The following PYHIN1 variants were observed in gnomAD, a reference collection of about 807,000 sequenced individuals.
The protein encoded by PYHIN1 is pyrin and HIN domain-containing protein 1.
In PYHIN1, 32 loss-of-function variants were observed where a neutral mutation model predicts 43.7. The observed-to-expected ratio is 0.73, with a 90% CI of 0.55 to 0.98. The LOEUF (loss-of-function observed/expected upper bound fraction) is 0.98. Ranked by LOEUF, PYHIN1 falls within the 50% of genes least tolerant of loss-of-function variation. The pLI, the probability that PYHIN1 is intolerant of heterozygous loss-of-function variation, is 0.00. For missense variants in PYHIN1, 588 were observed against 589.5 expected, an observed-to-expected ratio of 1.00 and a Z score of 0.03; for synonymous variants, 205 against 203.1, an observed-to-expected ratio of 1.01 and a Z score of -0.08.
intron 8 of PYHIN1, among the ~76,000 whole-genome samples, chr1:158,975,121 G>C (rs1018411002): frequency 6.6e-6 from 1 of 151,900 alleles, no homozygotes; most frequent in African/African-American, 2.4e-5. Context: ...TTTCTTCTTT[G>C]ATATCTAGCA....
chr1:158,942,884 G>T (rs1649000912), intron 5 of PYHIN1, among the ~76,000 whole-genome samples: 1 of 152,152 alleles, frequency 6.6e-6, no homozygotes, highest in Non-Finnish European at 1.5e-5. Context: ...CAGTAAACAG[G>T]TAGGACAATG....
downstream of PYHIN1, among the ~76,000 whole-genome samples, chr1:158,978,797 A>G (rs571624099): frequency 6.6e-6 from 1 of 152,314 alleles, no homozygotes; most frequent in African/African-American, 2.4e-5. Context: ...GTTTTAATTT[A>G]AACAGCGTCA....
Position 158,950,769 on chromosome 1 carries a change from C to T in PYHIN1, c.1359+5727C>T, listed in dbSNP as rs150446228. Among the ~76,000 whole-genome samples, 890 of 152,176 alleles carry T rather than the reference C, an allele frequency of 5.8e-3. 2 individuals carry two copies. The highest frequency in any genetic ancestry group is 9.0e-3 in the Non-Finnish European group (610 of 68,014). ...TTGAGCATATTTTTAAGGGTGGAGTCGGCACGTTCTACCATGGCTTGTCTT... is the reference window on the plus strand; with the variant it reads ...TTGAGCATATTTTTAAGGGTGGAGTTGGCACGTTCTACCATGGCTTGTCTT... On this transcript the variant is annotated intron_variant, in intron 7 of 8. Transcript: ENST00000368140.
chr1:158,987,780 C>T, the PYHIN1 span, among the ~76,000 whole-genome samples: 1 of 152,060 alleles, frequency 6.6e-6, no homozygotes, highest in Non-Finnish European at 1.5e-5. Flanking sequence ...AGTATAATTT[C>T]TTGAAAATGA....
chr1:158,931,685 A>C lies in PYHIN1; in HGVS notation c.-112A>C, dbSNP rs1438599891. ...CTGTATTTCAGTTTCTGAGAGCTTT[A>C]CTGACTGATTTCCCTATTCAAAACA... On this transcript the variant is annotated 5_prime_UTR_variant, in exon 1 of 9. Coordinates refer to ENST00000368140, the MANE Select transcript of PYHIN1 (RefSeq NM_152501.5). 1 of 152,220 alleles carries C rather than the reference A, an allele frequency of 6.6e-6. No individual in the cohort carries two copies. Among genetic ancestry groups the C allele is most frequent in the African/African-American group, 2.4e-5 (1 of 41,458 alleles). 9.4% of individuals were successfully genotyped at this position (152,220 alleles called of 1,614,324 possible).
chr1:158,939,254 T>C lies in PYHIN1; in HGVS notation c.579+7T>C. On this transcript the variant is annotated splice_region_variant and intron_variant, in intron 4 of 8. Coordinates refer to ENST00000368140, the MANE Select transcript of PYHIN1 (RefSeq NM_152501.5). ...CAACACTTCCTCAACTGAGGTACAC[T>C]CTTCCTGGTCCCCTTTTGATTCATT... is the stretch of plus-strand genomic sequence containing the variant. 1 of 1,590,350 alleles carries C rather than the reference T, an allele frequency of 6.3e-7. No individual in the cohort carries two copies. The highest frequency in any genetic ancestry group is 8.6e-7 in the Non-Finnish European group (1 of 1,167,632).
chr1:158,977,781 G>A (rs1190472154), downstream of PYHIN1, among the ~76,000 whole-genome samples: 3 of 152,070 alleles, frequency 2.0e-5, no homozygotes, highest in Non-Finnish European at 1.5e-5. Context: ...ATTTACTTTC[G>A]AAGTGACACT....
At chr1:158,976,413 A>T (rs1019688904) in intron 8 of PYHIN1, among the ~76,000 whole-genome samples, 4 of 151,990 alleles carry the variant, frequency 2.6e-5, no homozygotes, top group African/African-American at 9.7e-5. Flanking sequence ...CGTTGGACAC[A>T]CCAGCTCCTT....
intron 7 of PYHIN1, among the ~76,000 whole-genome samples, chr1:158,953,170 G>A (rs980288886): frequency 4.9e-5 from 7 of 141,780 alleles, no homozygotes; most frequent in African/African-American, 1.0e-4. Flanking sequence ...CAGTGAGGCT[G>A]GGGGAGGGGC....
At chr1:158,970,719 G>GCAAA (rs5778105) in intron 7 of PYHIN1, among the ~76,000 whole-genome samples, 139,784 of 151,756 alleles carry the variant, frequency 0.92, 65,489 homozygotes, top group East Asian at 1. Context: ...TGTGAATAGA[G>GCAAA]CAAACACACA....
downstream of PYHIN1, among the ~76,000 whole-genome samples, chr1:158,979,976 C>T (rs183308491): frequency 2.6e-5 from 4 of 152,206 alleles, no homozygotes; most frequent in East Asian, 7.7e-4. Context: ...TTAGTAAGAA[C>T]AAGTGGTATT....
chr1:158,974,197 T>C (rs1651110968), intron 8 of PYHIN1, among the ~76,000 whole-genome samples: 1 of 152,038 alleles, frequency 6.6e-6, no homozygotes, highest in Non-Finnish European at 1.5e-5. Flanking sequence ...TACTTCCTTT[T>C]TTTAGAATCC....
intron 7 of PYHIN1, among the ~76,000 whole-genome samples, chr1:158,952,408 C>T (rs770089274): frequency 2.0e-5 from 3 of 151,920 alleles, no homozygotes; most frequent in Admixed American, 1.3e-4. Flanking sequence ...TTATGATTGC[C>T]TCGTTGATCT....
chr1:158,934,036 T>A (rs544196575), intron 1 of PYHIN1, among the ~76,000 whole-genome samples: 1 of 152,284 alleles, frequency 6.6e-6, no homozygotes, highest in South Asian at 2.1e-4. Context: ...TTTGTTTAGA[T>A]TGAAATTCTA....
chr1:158,960,487 G>A (rs1232248536), intron 7 of PYHIN1, among the ~76,000 whole-genome samples: 1 of 152,164 alleles, frequency 6.6e-6, no homozygotes, highest in Admixed American at 6.5e-5. Context: ...TGCCTTTATG[G>A]CCTCAAATAC....
At chr1:158,983,859 A>G in the PYHIN1 span, among the ~76,000 whole-genome samples, 1 of 152,082 alleles carries the variant, frequency 6.6e-6, no homozygotes. Context: ...TTCCTGGTTC[A>G]ATCTTGGCAG....
chr1:158,944,844 A>C (rs765693847), intron 6 of PYHIN1, 31 bp from the exon 7 acceptor site: 3 of 1,481,728 alleles, frequency 2.0e-6, no homozygotes, highest in Non-Finnish European at 2.7e-6. Context: ...TAATATTAAA[A>C]AACATTAAAC....
intron 8 of PYHIN1, 23 bp downstream of exon 8, chr1:158,973,794 G>T: frequency 6.2e-7 from 1 of 1,611,566 alleles, no homozygotes; most frequent in Non-Finnish European, 8.5e-7. Flanking sequence ...TATTTGCATT[G>T]CTGTACCTCT....
chr1:158,978,853 AC>A (rs1383072466), downstream of PYHIN1, among the ~76,000 whole-genome samples: 1 of 152,196 alleles, frequency 6.6e-6, no homozygotes, highest in Non-Finnish European at 1.5e-5. Flanking sequence ...TTTATATCTT[AC>A]TACACATCAG....
Sources: gnomAD v4.1 joint callset for allele counts (sites outside exome capture counted in the v4.1 genomes callset) on GRCh38, gnomAD v4.1.1 for gene constraint, MANE v1.5 for transcripts, NCBI Gene and HGNC (gene_info 2026-07-23, HGNC 2026-07-21) for gene names.